Variants in IKBKB observed in about 807,000 individuals in gnomAD.
IKBKB encodes the protein inhibitor of nuclear factor kappa-B kinase subunit beta.
Under a neutral mutation model 113.6 loss-of-function variants are expected in IKBKB, and 42 were observed. The observed-to-expected ratio is 0.37, with a 90% confidence interval of 0.29 to 0.48. The LOEUF is 0.48. IKBKB is among the 20% of genes least tolerant of loss of function. The pLI, the probability that IKBKB is intolerant of heterozygous loss-of-function variation, is 0.99. For missense variants in IKBKB, 673 were observed against 939.7 expected, an observed-to-expected ratio of 0.72 and a Z score of 3.71; for synonymous variants, 296 against 361.3, an observed-to-expected ratio of 0.82 and a Z score of 2.05.
At chr8:42,312,717 G>C (rs547016502) in intron 8 of IKBKB, among the ~76,000 whole-genome samples, 1 of 152,328 alleles carries the variant, frequency 6.6e-6, no homozygotes, top group South Asian at 2.1e-4. Flanking sequence ...CCCCGACTTA[G>C]AGCTGTCAGA....
intron 2 of IKBKB, among the ~76,000 whole-genome samples, chr8:42,282,836 G>T (rs962920947): frequency 1.3e-5 from 2 of 152,134 alleles, no homozygotes; most frequent in African/African-American, 4.8e-5. Flanking sequence ...GGAAAAACTG[G>T]GAATATTTCG....
At chr8:42,293,825 G>T (rs1358088601) in intron 5 of IKBKB, among the ~76,000 whole-genome samples, 1 of 152,190 alleles carries the variant, frequency 6.6e-6, no homozygotes, top group Admixed American at 6.5e-5. Flanking sequence ...GCCGGCGCTG[G>T]AATAAGTTGT....
chr8:42,306,347 T>C lies in IKBKB; in HGVS notation c.482T>C (p.Ile161Thr). The C allele has an allele frequency of 3.1e-6, 5 of 1,600,384 alleles. No individual in the cohort carries two copies. The highest frequency in any genetic ancestry group is 4.3e-6 in the Non-Finnish European group (5 of 1,167,578). Residue 161 changes from isoleucine to threonine, a missense_variant, in exon 7 of 22, where the codon ATA (isoleucine) becomes ACA (threonine). Ile to Thr is a moderately conservative substitution (Grantham distance 89). Transcript: ENST00000520810. ...IVLQQGEQRL[I>T]HKIIDLGYAK... ...TTCTCCTTCCTTTTGTTTTAGTTAA[T>C]ACACAAAATTATTGACCTAGGATAT... is the stretch of plus-strand genomic sequence containing the variant.
At chr8:42,290,464 A>G (rs1037658731) in intron 4 of IKBKB, among the ~76,000 whole-genome samples, 191 bp downstream of exon 4, 4 of 152,028 alleles carry the variant, frequency 2.6e-5, no homozygotes, top group Non-Finnish European at 4.4e-5. Context: ...TGTGAGTCAG[A>G]GGCGCTTCCG....
chr8:42,313,513 A>G (rs547805073), intron 8 of IKBKB, among the ~76,000 whole-genome samples: 2 of 152,288 alleles, frequency 1.3e-5, no homozygotes, highest in Admixed American at 1.3e-4. Flanking sequence ...GTATAAGTTC[A>G]TTTATCCTTA....
rs747990773 is a variant in IKBKB, at chr8:42,318,578, T to G, written c.1267T>G (p.Phe423Val). 1.2e-6 allele frequency: 2 copies of G among 1,614,030 alleles called. No individual in the cohort carries two copies. The highest frequency in any genetic ancestry group is 1.7e-6 in the Non-Finnish European group (2 of 1,179,858). ...ILQEPKRNLA[F>V]FQLRKVWGQV... ...TCAAGAGCCCAAGAGGAATCTCGCC[T>G]TCTTCCAGCTGAGGAAGGTGTGGGG... Residue 423 changes from phenylalanine to valine, a missense_variant, in exon 13 of 22, where the codon TTC becomes GTC. Phe to Val is a conservative substitution (Grantham distance 50, BLOSUM62 -1). This residue lies in a region of IKBKB where 506 missense variants were observed against 638.7 expected (regional missense o/e 0.79). Transcript: ENST00000520810.
intron 5 of IKBKB, chr8:42,297,998 A>G (rs1390055444): frequency 1.5e-6 from 1 of 664,668 alleles, no homozygotes; most frequent in African/African-American, 2.0e-5. Context: ...CCATGCTGAT[A>G]GGAGACCTGG....
At chr8:42,322,205 T>C (rs1819906490) in intron 18 of IKBKB, 52 bp downstream of exon 18, 5 of 1,559,410 alleles carry the variant, frequency 3.2e-6, no homozygotes, top group Non-Finnish European at 4.4e-6. Context: ...GATGCAGGTA[T>C]GAGGTCACCT....
Position 42,280,756 on chromosome 8 carries a change from G to A in IKBKB, c.106-7878G>A, listed in dbSNP as rs149297095. Among the ~76,000 whole-genome samples the A allele has an allele frequency of 1.5e-3, 229 of 152,254 alleles. 1 individual carries two copies. Among genetic ancestry groups the A allele is most frequent in the African/African-American group, 5.2e-3 (216 of 41,536 alleles). ...TGGGGCCCTGCGGGATGCTCGTTGG[G>A]GTGGAGGAGGCAGTGTGTGTACTGG... On this transcript the variant is annotated intron_variant, in intron 2 of 21. Transcript: ENST00000520810.
intron 8 of IKBKB, chr8:42,313,988 C>G (rs1818206176): frequency 4.3e-6 from 1 of 232,328 alleles, no homozygotes; most frequent in African/African-American, 2.3e-5. Context: ...CATTGACATC[C>G]CAGTCAACAA....
At position 42,288,662 on chromosome 8, in the gene IKBKB, A is replaced by T; in HGVS notation, c.134A>T (p.Gln45Leu). 1 of 1,611,472 alleles carries T rather than the reference A, an allele frequency of 6.2e-7. No homozygotes were observed. The highest frequency in any genetic ancestry group is 8.5e-7 in the Non-Finnish European group (1 of 1,178,694). ...ACAGGTGAGCAGATTGCCATCAAGC[A>T]GTGCCGGCAGGAGCTCAGCCCCCGG... ...QETGEQIAIK[Q>L]CRQELSPRNR... Residue 45 changes from glutamine to leucine, a missense_variant, in exon 3 of 22, where the codon CAG becomes CTG. Physicochemically the swap from Gln to Leu is moderately radical, Grantham distance 113 (BLOSUM62 -2). Around this residue, in one of 2 missense-constraint regions of IKBKB, gnomAD observed 167 missense variants for 301.0 expected, o/e 0.55. Coordinates refer to ENST00000520810, the MANE Select transcript of IKBKB (RefSeq NM_001556.3).
At chr8:42,317,208 CT>C in intron 11 of IKBKB, 1 of 155,440 alleles carries the variant, frequency 6.4e-6, no homozygotes, top group Non-Finnish European at 1.1e-5. Flanking sequence ...TCCAAGTGTA[CT>C]AAAAAAAAAA....
chr8:42,311,180 C>G (rs149529140), intron 8 of IKBKB, among the ~76,000 whole-genome samples: 4 of 152,344 alleles, frequency 2.6e-5, no homozygotes, highest in Non-Finnish European at 5.9e-5. Context: ...CTTGCCAACA[C>G]TGGCTATTGT....
chr8:42,278,461 C>T (rs948122280), intron 2 of IKBKB, among the ~76,000 whole-genome samples: 2 of 152,140 alleles, frequency 1.3e-5, no homozygotes, highest in Non-Finnish European at 2.9e-5. Context: ...AATCAGCTCT[C>T]GGAAGAAATG....
intron 8 of IKBKB, chr8:42,313,919 C>T (rs1250024421): frequency 5.9e-6 from 1 of 169,902 alleles, no homozygotes; most frequent in Non-Finnish European, 1.3e-5. Context: ...ACTTATATTA[C>T]AAATGTAAAA....
chr8:42,330,422 G>A (rs189607368), intron 21 of IKBKB: 4 of 534,120 alleles, frequency 7.5e-6, no homozygotes, highest in Admixed American at 6.3e-5. Flanking sequence ...CTGGCCTCAA[G>A]CGATCCGCTC....
At chr8:42,280,036 T>G (rs1462230197) in intron 2 of IKBKB, among the ~76,000 whole-genome samples, 1 of 152,062 alleles carries the variant, frequency 6.6e-6, no homozygotes, top group Admixed American at 6.6e-5. Context: ...TTTGTAGAGA[T>G]GAGGTCTTTC....
At position 42,288,639 on chromosome 8, in the gene IKBKB, A is replaced by G. The variant is rs144600166; in HGVS notation, c.111A>G (p.Thr37=). The G allele has an allele frequency of 1.2e-5, 20 of 1,609,420 alleles. No homozygotes were observed. In the Admixed American group the frequency reaches 2.2e-4, roughly 17 times the overall value. ...GNVIRWHNQE[T]GEQIAIKQCR... ...CCACTGTGCTGTTTCTGTAGGAAAC[A>G]GGTGAGCAGATTGCCATCAAGCAGT... The change falls in exon 3 of 22, where the codon ACA becomes ACG. Residue 37 remains threonine, a synonymous_variant. Transcript: ENST00000520810.
chr8:42,315,087 C>T (rs550486933), intron 9 of IKBKB, among the ~76,000 whole-genome samples: 44 of 152,314 alleles, frequency 2.9e-4, no homozygotes, highest in Non-Finnish European at 5.6e-4. Context: ...TCTCTTTCCA[C>T]CCCTCATGTG....
Sources: allele counts gnomAD v4.1 joint callset (sites outside exome capture counted in the v4.1 genomes callset), GRCh38; gene constraint gnomAD v4.1.1; regional missense constraint gnomAD v4.1.1; transcripts MANE v1.5; gene names NCBI Gene and HGNC (gene_info 2026-07-23, HGNC 2026-07-21).